The following RET variants were observed in gnomAD, a reference collection of about 807,000 sequenced individuals.
RET encodes proto-oncogene tyrosine-protein kinase receptor Ret.
A neutral mutation model predicts 118.3 loss-of-function variants in RET; 19 were observed. The observed-to-expected ratio is 0.16, with a 90% CI of 0.11 to 0.24. The LOEUF (loss-of-function observed/expected upper bound fraction) is 0.24, where lower values mean the gene tolerates loss of function less well. Ranked by LOEUF, RET falls within the 10% of genes least tolerant of loss-of-function variation. The probability of loss-of-function intolerance (pLI) is 1.00; values close to 1 mark genes in which losing one functional copy is unlikely to be tolerated. For missense variants in RET, 1,219 were observed against 1,502.1 expected (o/e 0.81, Z 3.12); for synonymous variants, 597 against 644.1 (o/e 0.93, Z 1.11).
chr10:43,100,365 A>C, intron 1 of RET, 94 bp from the exon 2 acceptor site: 5 of 1,438,132 alleles, frequency 3.5e-6, no homozygotes, highest in South Asian at 1.2e-5. Flanking sequence ...AACTCCTGCT[A>C]AGATCGGAAT....
intron 17 of RET, 65 bp downstream of exon 17, chr10:43,123,873 C>G: frequency 6.2e-7 from 1 of 1,610,162 alleles, no homozygotes; most frequent in Non-Finnish European, 8.5e-7. Flanking sequence ...TGTGCATTCC[C>G]TCCCCATCCA....
In RET at chr10:43,077,316, C is replaced by T. The variant is rs1205904653; in HGVS notation, c.58C>T (p.Pro20Ser). 1.2e-5 allele frequency: 18 copies of T among 1,511,648 alleles called. No individual in the cohort carries two copies. The highest frequency in any genetic ancestry group is 1.6e-5 in the Non-Finnish European group (18 of 1,135,426). The allele number at this position is 1,511,648 out of a possible 1,614,324, so 93.6% of individuals were successfully genotyped here. A position where few individuals can be genotyped will look rare whatever the true frequency, so the allele number is the denominator to read the frequency against. Residue 20 changes from proline (P) to serine (S), a missense_variant, in exon 1 of 20, where the codon CCG becomes TCG. Transcript: ENST00000355710. ...GCGTCTGCTGTTGCTGCTGCTGCTG[C>T]CGCTGCTAGGCAAAGGTGAGTTCTG... The part of the protein sequence containing the change: ...GLRLLLLLLL[P>S]LLGKVALGLY...
chr10:43,111,600 T>C (rs1588871645), intron 7 of RET, 135 bp downstream of exon 7: 1 of 974,204 alleles, frequency 1.0e-6, no homozygotes, highest in Non-Finnish European at 1.5e-6. Context: ...AGCTTCACCC[T>C]GAGTGACCCA....
Position 43,077,464 on chromosome 10 carries a change from T to A in RET, c.73+133T>A, listed in dbSNP as rs1837072316. 5.8e-6 allele frequency: 7 copies of A among 1,207,824 alleles called. No homozygotes were observed. The Admixed American group carries it at 1.6e-4, about 28-fold the overall frequency. The allele number at this position is 1,207,824 out of a possible 1,614,324, so 74.8% of individuals were successfully genotyped here. A position where few individuals can be genotyped will look rare whatever the true frequency, so the allele number is the denominator to read the frequency against. ...CTGTGCGGTCGCCGGCCACCCGGCC[T>A]CGGCTGGGAGCGCAGTGGCTGCGGC... On this transcript the variant is annotated intron_variant, in intron 1 of 19. Coordinates refer to ENST00000355710, the MANE Select transcript of RET (RefSeq NM_020975.6).
chr10:43,121,967 A>G lies in RET; in HGVS notation c.2752A>G (p.Met918Val), dbSNP rs377767442. The G allele has an allele frequency of 4.3e-6, 7 of 1,613,400 alleles. No homozygotes were observed. Among genetic ancestry groups the G allele is most frequent in the Non-Finnish European group, 5.9e-6 (7 of 1,179,456 alleles). Residue 918 changes from methionine to valine, a missense_variant, in exon 16 of 20, where the codon ATG becomes GTG. By Grantham distance (21) the Met-to-Val change is conservative. This residue lies in a region of RET where 73 missense variants were observed against 156.5 expected (regional missense o/e 0.47). Coordinates refer to ENST00000355710, the MANE Select transcript of RET (RefSeq NM_020975.6). Reference protein sequence around the residue: ...RSQGRIPVKWMAIESLFDHIY... With the variant: ...RSQGRIPVKWVAIESLFDHIY... The stretch of plus-strand genomic sequence containing the variant: ...TTAGGGTCGGATTCCAGTTAAATGG[A>G]TGGCAATTGAATCCCTTTTTGATCA...
intron 12 of RET, among the ~76,000 whole-genome samples, chr10:43,117,366 C>T (rs947860146): frequency 3.9e-5 from 6 of 152,248 alleles, no homozygotes; most frequent in Non-Finnish European, 7.3e-5. Flanking sequence ...CTGGGTTCAC[C>T]TCCAAGCCAG....
rs1239462802 is a variant in RET at position 43,106,601 on chromosome 10, A to G, written c.1063+30A>G. On this transcript the variant is annotated intron_variant, in intron 5 of 19. Transcript: ENST00000355710. The surrounding 1 kb of genome is among the most constrained non-coding windows in gnomAD (Gnocchi z 5.1). The stretch of plus-strand genomic sequence containing the variant: ...GAGGGGCTGGTGGCACGGCCTGGCT[A>G]GGCCCCCAGGAAATGAGGTGCTCGC... 2.5e-5 allele frequency: 40 copies of G among 1,606,624 alleles called. No individual in the cohort carries two copies. Among genetic ancestry groups the G allele is most frequent in the African/African-American group, 4.0e-5 (3 of 74,704 alleles).
At chr10:43,121,781 G>A (rs564932930) in intron 15 of RET, among the ~76,000 whole-genome samples, 165 bp from the exon 16 acceptor site, 2 of 152,176 alleles carry the variant, frequency 1.3e-5, no homozygotes, top group Non-Finnish European at 2.9e-5. Context: ...TCAGGCTGGA[G>A]CTCCAGCCCC....
intron 11 of RET, among the ~76,000 whole-genome samples, chr10:43,115,556 C>A (rs1185721716): frequency 6.6e-6 from 1 of 152,248 alleles, no homozygotes; most frequent in Non-Finnish European, 1.5e-5. Context: ...TGCAGCTTAG[C>A]CTCATGGCAG....
In RET at chr10:43,128,584, C is replaced by T; in HGVS notation, c.*315C>T. On this transcript the variant is annotated 3_prime_UTR_variant, in exon 20 of 20. Transcript: ENST00000355710. ...TCAGTGACCACCAACATTCTGTGTT[C>T]ACATGTGTGGGTCCAACACTTACTA... is the stretch of plus-strand genomic sequence containing the variant. 2.1e-6 allele frequency: 1 copy of T among 485,356 alleles called. No individual in the cohort carries two copies. The highest frequency in any genetic ancestry group is 3.8e-6 in the Non-Finnish European group (1 of 263,306). 30.1% of individuals were successfully genotyped at this position (485,356 alleles called of 1,614,324 possible). A position where few individuals can be genotyped will look rare whatever the true frequency, so the allele number is the denominator to read the frequency against.
chr10:43,093,847 A>G (rs1837460452), intron 1 of RET, among the ~76,000 whole-genome samples: 1 of 152,086 alleles, frequency 6.6e-6, no homozygotes, highest in Non-Finnish European at 1.5e-5. Context: ...TGGGCCTTCC[A>G]TGAATGACGT....
At chr10:43,080,550 CTG>C (rs1837157261) in intron 1 of RET, among the ~76,000 whole-genome samples, 1 of 152,246 alleles carries the variant, frequency 6.6e-6, no homozygotes, top group Non-Finnish European at 1.5e-5. Flanking sequence ...AGCCCGTTCT[CTG>C]GGCCAGTGGT....
At chr10:43,111,163 C>T (rs769790370) in intron 6 of RET, 44 bp from the exon 7 acceptor site, 11 of 1,610,402 alleles carry the variant, frequency 6.8e-6, no homozygotes, top group South Asian at 1.1e-5. Context: ...CCATTACAGG[C>T]CGGTCCAGCT....
At chr10:43,094,391 C>T (rs1437026623) in intron 1 of RET, among the ~76,000 whole-genome samples, 2 of 152,210 alleles carry the variant, frequency 1.3e-5, no homozygotes, top group African/African-American at 2.4e-5. Context: ...GCAGGAAGGG[C>T]CTGCTCTACA....
chr10:43,088,569 A>G (rs1484829660), intron 1 of RET, among the ~76,000 whole-genome samples: 2 of 151,896 alleles, frequency 1.3e-5, no homozygotes, highest in Non-Finnish European at 2.9e-5. Flanking sequence ...TTCTGTGAGC[A>G]TTTGCTTGGT....
chr10:43,086,277 C>T (rs999175803), intron 1 of RET, among the ~76,000 whole-genome samples: 1 of 152,190 alleles, frequency 6.6e-6, no homozygotes, highest in Non-Finnish European at 1.5e-5. Context: ...ATGAAGCGCC[C>T]GGAGCAGACC....
chr10:43,109,902 T>C (rs533898223), intron 6 of RET, among the ~76,000 whole-genome samples: 249 of 152,350 alleles, frequency 1.6e-3, no homozygotes, highest in African/African-American at 5.5e-3. Flanking sequence ...TAAGCACTTA[T>C]TAAGTTGACT....
At chr10:43,125,037 C>A in intron 18 of RET, 55 bp downstream of exon 18, 1 of 1,528,052 alleles carries the variant, frequency 6.5e-7, no homozygotes, top group Non-Finnish European at 9.1e-7. Flanking sequence ...GAGACTCCAG[C>A]CTCACCCCAG....
intron 1 of RET, among the ~76,000 whole-genome samples, chr10:43,095,528 G>A (rs542927267): frequency 5.3e-5 from 8 of 152,340 alleles, no homozygotes; most frequent in African/African-American, 1.4e-4. Flanking sequence ...CATGTGGGAC[G>A]AGGGGGCTCA....
Sources: gnomAD v4.1 joint callset for allele counts (sites outside exome capture counted in the v4.1 genomes callset) on GRCh38, gnomAD v4.1.1 for gene constraint, gnomAD v4.1.1 regional missense constraint, Gnocchi (gnomAD v3.1) non-coding constraint, MANE v1.5 for transcripts, NCBI Gene and HGNC (gene_info 2026-07-23, HGNC 2026-07-21) for gene names.